The following PABPC1L variants were observed in gnomAD, a reference collection of about 807,000 sequenced individuals.
PABPC1L encodes the protein polyadenylate-binding protein 1-like.
Under a neutral mutation model 66.6 loss-of-function variants are expected in PABPC1L, and 31 were observed. The ratio of observed to expected loss-of-function variants is 0.47; its 90% CI spans 0.35 to 0.63. The LOEUF (loss-of-function observed/expected upper bound fraction) is 0.63, where lower values mean the gene tolerates loss of function less well. Among genes scored for constraint, PABPC1L ranks in the 20% least tolerant of loss-of-function variants. The pLI is 0.00. For missense variants in PABPC1L, 722 were observed against 848.8 expected (o/e 0.85, Z 1.86); for synonymous variants, 348 against 335.1 (o/e 1.04, Z -0.42).
At position 44,935,488 on chromosome 20, in the gene PABPC1L, C is replaced by G; in HGVS notation, c.1557C>G (p.Ser519Arg). ...LPCKCSSAAH[S>R]TYRVQEPAVH... The stretch of plus-strand genomic sequence containing the variant: ...GCAAATGTTCCTCAGCAGCACATAG[C>G]ACCTATCGGGTAAGGCCAGCCCAGC... The change falls in exon 11 of 15, where the codon AGC becomes AGG. Residue 519 changes from serine (S) to arginine (R), a missense_variant. This residue lies in a region of PABPC1L where 301 missense variants were observed against 337.2 expected (regional missense o/e 0.89). Coordinates refer to ENST00000217073, the MANE Select transcript of PABPC1L (RefSeq NM_001372179.1). 1 of 1,614,088 alleles carries G rather than the reference C, an allele frequency of 6.2e-7. No homozygotes were observed. Among genetic ancestry groups the G allele is most frequent in the Non-Finnish European group, 8.5e-7 (1 of 1,180,006 alleles).
At chr20:44,919,098 C>T (rs2066756457) in intron 4 of PABPC1L, 53 bp downstream of exon 4, 1 of 1,611,934 alleles carries the variant, frequency 6.2e-7, no homozygotes, top group Admixed American at 1.7e-5. Flanking sequence ...TCTTCCCTTC[C>T]AAAGTCTGGT....
At chr20:44,920,852 G>A (rs139577281) in intron 5 of PABPC1L, among the ~76,000 whole-genome samples, 8,103 of 151,342 alleles carry the variant, frequency 0.054, 305 homozygotes, top group Non-Finnish European at 0.072. Context: ...TCTGTCTGTC[G>A]TCCAGGCTGT....
chr20:44,938,674 A>G lies in PABPC1L; in HGVS notation c.1792A>G (p.Ile598Val), dbSNP rs765306062. Residue 598 changes from isoleucine (I) to valine (V), a missense_variant and splice_region_variant, in exon 14 of 15, where the codon ATA becomes GTA. This residue lies in a region of PABPC1L where 301 missense variants were observed against 337.2 expected (regional missense o/e 0.89). Coordinates refer to ENST00000217073, the MANE Select transcript of PABPC1L (RefSeq NM_001372179.1). The stretch of plus-strand genomic sequence containing the variant: ...CCCCCCCGCCACTCATGTCTCACAG[A>G]TAGACGAGGCAGTGGCCGTGCTGCA... ...LESPESLHAKIDEAVAVLQAH... is the reference protein window; with the variant it reads ...LESPESLHAKVDEAVAVLQAH... 23 of 1,608,064 alleles carry G rather than the reference A, an allele frequency of 1.4e-5. 1 individual carries two copies. In the East Asian group the frequency reaches 4.9e-4, roughly 34 times the overall value.
chr20:44,910,274 G>A lies in PABPC1L; in HGVS notation c.131G>A (p.Arg44His). Residue 44 changes from arginine to histidine, a missense_variant, in exon 1 of 15, where the codon CGC (arginine) becomes CAC (histidine). Arg to His is a conservative substitution (Grantham distance 29, BLOSUM62 0). Coordinates refer to ENST00000217073, the MANE Select transcript of PABPC1L (RefSeq NM_001372179.1). Reference sequence around the variant, plus strand: ...CCCATCCTGTCCATCCGCGTGTGCCGCGATGTAGCCACCCGGCGCTCGCTG... The same window carrying A: ...CCCATCCTGTCCATCCGCGTGTGCCACGATGTAGCCACCCGGCGCTCGCTG... ...AGPILSIRVC[R>H]DVATRRSLGY... 6 of 1,553,474 alleles carry A rather than the reference G, an allele frequency of 3.9e-6. No homozygotes were observed. The highest frequency in any genetic ancestry group is 4.4e-6 in the Non-Finnish European group (5 of 1,148,240).
chr20:44,915,076 G>T (rs2066729382), intron 2 of PABPC1L, among the ~76,000 whole-genome samples: 1 of 152,230 alleles, frequency 6.6e-6, no homozygotes. Flanking sequence ...GAAGGCCCCT[G>T]TTTCAGGATG....
intron 8 of PABPC1L, 39 bp downstream of exon 8, chr20:44,930,765 C>T: frequency 1.3e-6 from 2 of 1,595,972 alleles, no homozygotes; most frequent in South Asian, 1.1e-5. Flanking sequence ...AGCCTTCCCC[C>T]CTGCCCCAGC....
intron 6 of PABPC1L, 40 bp downstream of exon 6, chr20:44,921,771 G>C: frequency 6.2e-7 from 1 of 1,610,038 alleles, no homozygotes; most frequent in Non-Finnish European, 8.5e-7. Flanking sequence ...TTCTGTGTGA[G>C]AGCAGCTGTG....
intron 7 of PABPC1L, among the ~76,000 whole-genome samples, chr20:44,929,946 G>A (rs2066838452): frequency 1.3e-5 from 2 of 152,198 alleles, no homozygotes; most frequent in Admixed American, 1.3e-4. Context: ...TTGGTACTTA[G>A]CAGAGGCGAT....
At chr20:44,913,340 C>T (rs1444465601) in intron 2 of PABPC1L, among the ~76,000 whole-genome samples, 1 of 151,970 alleles carries the variant, frequency 6.6e-6, no homozygotes. Flanking sequence ...GGCAGGGGCT[C>T]AGAAGACAAG....
At chr20:44,936,764 AGAG>A in intron 12 of PABPC1L, 34 bp downstream of exon 12, 1 of 1,579,776 alleles carries the variant, frequency 6.3e-7, no homozygotes, top group Non-Finnish European at 8.6e-7. Context: ...TGGAGCAAGA[AGAG>A]GAGGGCTGCG....
intron 14 of PABPC1L, 62 bp downstream of exon 14, chr20:44,938,810 A>G (rs1340200656): frequency 4.7e-6 from 7 of 1,477,398 alleles, no homozygotes; most frequent in Non-Finnish European, 4.7e-6. Context: ...ATAGGCAGGG[A>G]CTGACTTTCA....
Position 44,912,839 on chromosome 20 carries a change from A to C in PABPC1L, c.373A>C (p.Ile125Leu). The C allele has an allele frequency of 6.2e-7, 1 of 1,613,936 alleles. No individual in the cohort carries two copies. Among genetic ancestry groups the C allele is most frequent in the Non-Finnish European group, 8.5e-7 (1 of 1,179,844 alleles). The change falls in exon 2 of 15, where the codon ATC becomes CTC. Residue 125 changes from isoleucine (I) to leucine (L), a missense_variant. By Grantham distance (5) the Ile-to-Leu change is conservative. Transcript: ENST00000217073. ...TGATACCTTCTCCACCTTTGGGAACATCCTCTCTTGCAAGGTAGAGGATGA... is the reference window on the plus strand; with the variant it reads ...TGATACCTTCTCCACCTTTGGGAACCTCCTCTCTTGCAAGGTAGAGGATGA... ...LYDTFSTFGN[I>L]LSCKVACDEH...
intron 8 of PABPC1L, among the ~76,000 whole-genome samples, chr20:44,931,007 C>T (rs11086946): frequency 0.05 from 3,362 of 67,864 alleles, 160 homozygotes; most frequent in African/African-American, 0.092. Flanking sequence ...TTTCCTTCCT[C>T]CCTTCCTTCC....
At chr20:44,926,468 G>A (rs192714419) in intron 7 of PABPC1L, among the ~76,000 whole-genome samples, 3,331 of 151,584 alleles carry the variant, frequency 0.022, 121 homozygotes, top group African/African-American at 0.075. Flanking sequence ...CTAGTAATCC[G>A]CCCGCCTCAG....
chr20:44,912,954 T>C, intron 2 of PABPC1L, 101 bp downstream of exon 2: 1 of 1,156,464 alleles, frequency 8.6e-7, no homozygotes, highest in African/African-American at 1.5e-5. Flanking sequence ...TACAAGGTCC[T>C]TTCAGTCAAG....
At chr20:44,927,443 G>C (rs2066817957) in intron 7 of PABPC1L, among the ~76,000 whole-genome samples, 1 of 151,934 alleles carries the variant, frequency 6.6e-6, no homozygotes, top group Non-Finnish European at 1.5e-5. Context: ...TGCCTCCTGG[G>C]TTCAAGTGAT....
Position 44,916,906 on chromosome 20 carries a change from G to T in PABPC1L, c.503+35G>T, listed in dbSNP as rs372430206. 119 of 1,589,812 alleles carry T rather than the reference G, an allele frequency of 7.5e-5. No individual in the cohort carries two copies. The African/African-American group carries it at 1.3e-3, about 18-fold the overall frequency. On this transcript the variant is annotated intron_variant, in intron 3 of 14. Transcript: ENST00000217073. Reference sequence around the variant, plus strand: ...TGGGCCCGAGGGAGGGGCGGAGGCTGCAGGGACAGAAGCATGGCACCACCG... The same window carrying T: ...TGGGCCCGAGGGAGGGGCGGAGGCTTCAGGGACAGAAGCATGGCACCACCG...
Position 44,930,704 on chromosome 20 carries a change from A to G in PABPC1L, c.1217A>G (p.Tyr406Cys), listed in dbSNP as rs1479076677. 6.2e-7 allele frequency: 1 copy of G among 1,613,578 alleles called. No individual in the cohort carries two copies. The highest frequency in any genetic ancestry group is 2.2e-5 in the East Asian group (1 of 44,856). The change falls in exon 8 of 15, where the codon TAC (tyrosine) becomes TGC (cysteine). Residue 406 changes from tyrosine to cysteine, a missense_variant. By Grantham distance (194) the Tyr-to-Cys change is radical. Coordinates refer to ENST00000217073, the MANE Select transcript of PABPC1L (RefSeq NM_001372179.1). ...GGCTCCTTTCAGCAGCCCTCCAGCT[A>G]CTTCCTGCCTGCCATGCCCCAGGTG... ...LLGSFQQPSSYFLPAMPQPPA... is the reference protein window; with the variant it reads ...LLGSFQQPSSCFLPAMPQPPA...
chr20:44,935,342 C>A, intron 10 of PABPC1L, 49 bp from the exon 11 acceptor site: 1 of 1,374,986 alleles, frequency 7.3e-7, no homozygotes, highest in Non-Finnish European at 1.0e-6. Context: ...TTTTGGATAG[C>A]AGCTATTTGA....
Sources: gnomAD v4.1 joint callset for allele counts (sites outside exome capture counted in the v4.1 genomes callset) on GRCh38, gnomAD v4.1.1 for gene constraint, gnomAD v4.1.1 regional missense constraint, MANE v1.5 for transcripts, NCBI Gene and HGNC (gene_info 2026-07-23, HGNC 2026-07-21) for gene names.